The following GLCCI1 variants were observed in gnomAD, a reference collection of about 807,000 sequenced individuals.
The protein encoded by GLCCI1 is glucocorticoid induced 1.
In GLCCI1, 24 loss-of-function variants were observed where a neutral mutation model predicts 52.2. That is an observed-to-expected ratio of 0.46 (90% confidence interval 0.33 to 0.65). The LOEUF is 0.65. GLCCI1 is among the 30% of genes least tolerant of loss of function. The pLI is 0.02. For missense variants in GLCCI1, 704 were observed against 701.5 expected, an observed-to-expected ratio of 1.00 and a Z score of -0.04; for synonymous variants, 310 against 276.5, an observed-to-expected ratio of 1.12 and a Z score of -1.20.
intron 3 of GLCCI1, 57 bp from the exon 4 acceptor site, chr7:8,055,376 T>C (rs1782361870): frequency 3.9e-6 from 4 of 1,025,728 alleles, no homozygotes; most frequent in Non-Finnish European, 4.4e-6. Flanking sequence ...GAAATAAATA[T>C]AAAAATTTGG....
rs187196785 is a variant in GLCCI1, at chr7:8,086,400, C to G, written c.1506C>G (p.Ser502=). The change falls in exon 8 of 8, where the codon TCC becomes TCG. Residue 502 remains serine (S), a synonymous_variant. Transcript: ENST00000223145. The surrounding 1 kb of genome is among the most constrained non-coding windows in gnomAD (Gnocchi z 4.4). The part of the protein sequence containing the change: ...LTVEQLSSRV[S]FTSLSDDTST... ...TTGAGCAGCTCTCATCCCGGGTTTC[C>G]TTTACGTCTCTTTCTGATGACACCA... The G allele has an allele frequency of 1.2e-6, 2 of 1,614,182 alleles. No individual in the cohort carries two copies. Among genetic ancestry groups the G allele is most frequent in the Middle Eastern group, 3.3e-4 (2 of 6,062 alleles).
At chr7:8,026,533 A>G (rs1781624729) in intron 3 of GLCCI1, among the ~76,000 whole-genome samples, 1 of 152,258 alleles carries the variant, frequency 6.6e-6, no homozygotes, top group Non-Finnish European at 1.5e-5. Context: ...TGAGTAGGCC[A>G]GGAGAGAGAG....
At chr7:8,061,649 A>G (rs1253322159) in intron 5 of GLCCI1, among the ~76,000 whole-genome samples, 1 of 131,642 alleles carries the variant, frequency 7.6e-6, no homozygotes. Flanking sequence ...TCTGTTTACC[A>G]TTGAACTCTT....
intron 2 of GLCCI1, among the ~76,000 whole-genome samples, chr7:8,020,243 T>A (rs1781457375): frequency 6.6e-6 from 1 of 152,168 alleles, no homozygotes; most frequent in Non-Finnish European, 1.5e-5. Context: ...AAGATCAGGA[T>A]CATCAAGACA....
At chr7:8,029,413 C>T (rs1324176161) in intron 3 of GLCCI1, among the ~76,000 whole-genome samples, 1 of 152,046 alleles carries the variant, frequency 6.6e-6, no homozygotes, top group Non-Finnish European at 1.5e-5. Context: ...ATGTCAAAAA[C>T]CCTCGAAAAA....
chr7:7,969,479 GGGCGGCGGC>G lies in GLCCI1; in HGVS notation c.137_145del (p.Gly46_Gly48del). The stretch of plus-strand genomic sequence containing the variant: ...CCGCCGCCGGGAGCGGGAACGGTGC[GGGCGGCGGC>G]GGCGGCGTGGGCTGCGCCCCGGCTG... On this transcript the variant is annotated inframe_deletion, in exon 1 of 8. Coordinates refer to ENST00000223145, the MANE Select transcript of GLCCI1 (RefSeq NM_138426.4). This position sits in a 1 kb window ranked among gnomAD's most constrained non-coding sequence, Gnocchi z 4.9. 1 of 1,031,752 alleles carries G rather than the reference GGGCGGCGGC, an allele frequency of 9.7e-7. No homozygotes were observed. Among genetic ancestry groups the G allele is most frequent in the South Asian group, 4.4e-5 (1 of 22,536 alleles). The allele number at this position is 1,031,752 out of a possible 1,614,324, so 63.9% of individuals were successfully genotyped here. A position where few individuals can be genotyped will look rare whatever the true frequency, so the allele number is the denominator to read the frequency against.
chr7:8,001,532 T>G (rs943338247), intron 1 of GLCCI1, among the ~76,000 whole-genome samples: 4 of 152,232 alleles, frequency 2.6e-5, no homozygotes, highest in African/African-American at 9.6e-5. Context: ...TCAACTATTG[T>G]GGAAGACAGT....
intron 6 of GLCCI1, among the ~76,000 whole-genome samples, chr7:8,083,924 T>C (rs1260253064): frequency 2.0e-5 from 3 of 152,238 alleles, no homozygotes; most frequent in African/African-American, 7.2e-5. Flanking sequence ...AAGCAACTTA[T>C]CAAAATTGTG....
chr7:7,998,547 C>G (rs1780990650), intron 1 of GLCCI1, among the ~76,000 whole-genome samples: 1 of 152,122 alleles, frequency 6.6e-6, no homozygotes, highest in South Asian at 2.1e-4. Context: ...CTACTTTTAA[C>G]TTTTATTTGC....
intron 1 of GLCCI1, among the ~76,000 whole-genome samples, chr7:7,998,856 A>C (rs1780996892): frequency 6.6e-6 from 1 of 152,176 alleles, no homozygotes; most frequent in Admixed American, 6.5e-5. Context: ...TCAAGCTTTT[A>C]ATGTCTCTAA....
chr7:8,034,940 G>A (rs1329699398), intron 3 of GLCCI1, among the ~76,000 whole-genome samples: 1 of 152,156 alleles, frequency 6.6e-6, no homozygotes, highest in Non-Finnish European at 1.5e-5. Flanking sequence ...AGCTCATGCT[G>A]GGTTGCTTAC....
intron 2 of GLCCI1, among the ~76,000 whole-genome samples, chr7:8,006,348 G>A (rs1433714454): frequency 2.6e-5 from 4 of 152,130 alleles, no homozygotes; most frequent in Admixed American, 2.6e-4. Flanking sequence ...TGCCAGAGTA[G>A]GAGACCCTAC....
rs140672793 is a variant in GLCCI1 at position 8,081,757 on chromosome 7, C to T, written c.1178-3140C>T. On this transcript the variant is annotated intron_variant, in intron 6 of 7. Transcript: ENST00000223145. ...GTTTAAAAGTATTTCAGAAGCTACTCGTATTTTAATGGTAAATATGGTACA... is the reference window on the plus strand; with the variant it reads ...GTTTAAAAGTATTTCAGAAGCTACTTGTATTTTAATGGTAAATATGGTACA... 1.4e-4 allele frequency among the ~76,000 whole-genome samples: 21 copies of T among 152,260 alleles called. No individual in the cohort carries two copies. The East Asian group carries it at 1.5e-3, about 11-fold the overall frequency.
intron 5 of GLCCI1, among the ~76,000 whole-genome samples, chr7:8,069,243 C>T (rs773112991): frequency 5.9e-5 from 9 of 152,068 alleles, no homozygotes; most frequent in Non-Finnish European, 1.0e-4. Flanking sequence ...AGAACTGCTG[C>T]CAGTCGGTGT....
chr7:8,038,423 C>T (rs1781916443), intron 3 of GLCCI1, among the ~76,000 whole-genome samples: 1 of 152,106 alleles, frequency 6.6e-6, no homozygotes. Flanking sequence ...ATAGCAAAAA[C>T]ATAAATCAGT....
At chr7:7,980,598 A>G (rs1007349185) in intron 1 of GLCCI1, 2 of 693,102 alleles carry the variant, frequency 2.9e-6, no homozygotes, top group South Asian at 3.6e-5. Flanking sequence ...TTTTTGGCCT[A>G]GGATTGTATG....
chr7:7,973,126 G>C (rs1169704841), intron 1 of GLCCI1, among the ~76,000 whole-genome samples: 1 of 152,098 alleles, frequency 6.6e-6, no homozygotes, highest in African/African-American at 2.4e-5. Flanking sequence ...TGATGTGTTT[G>C]TAATAGACGT....
At chr7:8,053,399 C>T (rs535584696) in intron 3 of GLCCI1, among the ~76,000 whole-genome samples, 2 of 150,446 alleles carry the variant, frequency 1.3e-5, no homozygotes, top group South Asian at 4.2e-4. Context: ...TCTTGGCTCA[C>T]TGCAACCTCC....
At chr7:8,029,245 ATCAT>A (rs1781694034) in intron 3 of GLCCI1, among the ~76,000 whole-genome samples, 1 of 152,208 alleles carries the variant, frequency 6.6e-6, no homozygotes, top group Non-Finnish European at 1.5e-5. Context: ...CTTTAAAAAG[ATCAT>A]TCATCCTGTC....
Sources: gnomAD v4.1 joint callset for allele counts (sites outside exome capture counted in the v4.1 genomes callset) on GRCh38, gnomAD v4.1.1 for gene constraint, Gnocchi (gnomAD v3.1) non-coding constraint, MANE v1.5 for transcripts, NCBI Gene and HGNC (gene_info 2026-07-23, HGNC 2026-07-21) for gene names.